The following SPECC1 variants were observed in gnomAD, a reference collection of about 807,000 sequenced individuals.
The protein encoded by SPECC1 is sperm antigen with calponin homology and coiled-coil domains 1.
Under a neutral mutation model 104.1 loss-of-function variants are expected in SPECC1, and 62 were observed. The observed-to-expected ratio is 0.60, with a 90% CI of 0.49 to 0.74. The LOEUF (loss-of-function observed/expected upper bound fraction) is 0.74. Among genes scored for constraint, SPECC1 ranks in the 30% least tolerant of loss-of-function variants. SPECC1 has a pLI of 0.00. For missense variants in SPECC1, 1,306 were observed against 1,310.5 expected, an observed-to-expected ratio of 1.00 and a Z score of 0.05; for synonymous variants, 513 against 501.6, an observed-to-expected ratio of 1.02 and a Z score of -0.30.
intron 12 of SPECC1, among the ~76,000 whole-genome samples, chr17:20,296,288 C>T (rs532029269): frequency 1.4e-3 from 218 of 152,260 alleles, no homozygotes; most frequent in Non-Finnish European, 6.8e-4. Context: ...ATCCTTTCCC[C>T]GTTGCTTGTT....
At chr17:20,123,420 G>GT (rs1420915169) in intron 3 of SPECC1, among the ~76,000 whole-genome samples, 1 of 152,214 alleles carries the variant, frequency 6.6e-6, no homozygotes, top group African/African-American at 2.4e-5. Flanking sequence ...CCAAGAAACT[G>GT]TCAGTGTCCT....
intron 1 of SPECC1, among the ~76,000 whole-genome samples, chr17:20,043,381 T>C (rs1245342308): frequency 6.6e-6 from 1 of 152,240 alleles, no homozygotes; most frequent in African/African-American, 2.4e-5. Context: ...TAGGTGAATA[T>C]ATTAAGGTTT....
chr17:20,113,778 C>T (rs9911605), intron 3 of SPECC1, among the ~76,000 whole-genome samples: 37,854 of 152,130 alleles, frequency 0.25, 5,911 homozygotes, highest in African/African-American at 0.45. Flanking sequence ...AACACCAGAC[C>T]AAGCAATTCT....
chr17:20,256,629 C>T (rs766672380), intron 10 of SPECC1, among the ~76,000 whole-genome samples: 1 of 152,162 alleles, frequency 6.6e-6, no homozygotes, highest in Non-Finnish European at 1.5e-5. Context: ...GAACAAGGCA[C>T]TTAGTTCTCT....
At chr17:20,238,606 G>A (rs963795218) in intron 7 of SPECC1, 27 of 1,042,402 alleles carry the variant, frequency 2.6e-5, no homozygotes, top group African/African-American at 3.3e-5. Context: ...TTAGCTTGGC[G>A]TGAGAAGAGA....
At chr17:20,088,617 A>C (rs144248022) in intron 1 of SPECC1, among the ~76,000 whole-genome samples, 188 of 152,342 alleles carry the variant, frequency 1.2e-3, no homozygotes, top group African/African-American at 4.4e-3. Context: ...CAGATTGGTG[A>C]ATACCCCAAG....
intron 11 of SPECC1, among the ~76,000 whole-genome samples, chr17:20,257,913 A>G (rs1478663883): frequency 4.6e-5 from 7 of 152,232 alleles, no homozygotes; most frequent in African/African-American, 1.4e-4. Context: ...TACCATTACA[A>G]GCACGCTGTG....
intron 3 of SPECC1, among the ~76,000 whole-genome samples, chr17:20,138,170 C>T (rs1178050043): frequency 1.3e-5 from 2 of 151,964 alleles, no homozygotes; most frequent in Non-Finnish European, 2.9e-5. Context: ...CACTATGTTG[C>T]CCAGGGTGGT....
chr17:20,018,229 T>C (rs907758681), intron 1 of SPECC1: 3 of 152,258 alleles, frequency 2.0e-5, no homozygotes, highest in Non-Finnish European at 4.4e-5. Context: ...TATGGTTTGC[T>C]CAGGTAATCT....
intron 13 of SPECC1, among the ~76,000 whole-genome samples, chr17:20,299,187 C>A (rs940227603): frequency 1.3e-5 from 2 of 151,710 alleles, no homozygotes; most frequent in Admixed American, 6.6e-5. Flanking sequence ...TCTTTTAAGG[C>A]CTTCACCTGA....
At chr17:20,071,948 G>T (rs1424048326) in intron 1 of SPECC1, among the ~76,000 whole-genome samples, 2 of 152,184 alleles carry the variant, frequency 1.3e-5, no homozygotes, top group Non-Finnish European at 2.9e-5. Flanking sequence ...TGAGTGACTA[G>T]CTTGTACTTT....
chr17:20,056,276 C>A, intron 1 of SPECC1: 1 of 163,424 alleles, frequency 6.1e-6, no homozygotes, highest in Non-Finnish European at 1.3e-5. Context: ...CTGCCAGGAG[C>A]TCAGTGTGCA....
At chr17:20,179,038 ATCT>A (rs768605016) in intron 3 of SPECC1, among the ~76,000 whole-genome samples, 15 of 152,350 alleles carry the variant, frequency 9.8e-5, no homozygotes, top group East Asian at 7.7e-4. Flanking sequence ...ACTAATATAA[ATCT>A]TCTGTATTCA....
Position 20,215,892 on chromosome 17 carries a change from T to A in SPECC1, c.1863+9980T>A, listed in dbSNP as rs189795062. 5.3e-5 allele frequency among the ~76,000 whole-genome samples: 8 copies of A among 152,334 alleles called. No individual in the cohort carries two copies. In the East Asian group the frequency reaches 1.5e-3, roughly 29 times the overall value. On this transcript the variant is annotated intron_variant, in intron 4 of 14. Coordinates refer to ENST00000395527, the MANE Select transcript of SPECC1 (RefSeq NM_001243439.2). ...TTAGATATCTCTAGCTTGATTTCCT[T>A]TCTGCTTTTGTTCATCACACTAAAG...
At chr17:20,024,835 A>G (rs1468504806) in intron 1 of SPECC1, among the ~76,000 whole-genome samples, 1 of 152,120 alleles carries the variant, frequency 6.6e-6, no homozygotes, top group Non-Finnish European at 1.5e-5. Flanking sequence ...ACTGTTGCTA[A>G]TCTCTGGGTT....
At chr17:20,251,547 G>A (rs949695637) in intron 9 of SPECC1, among the ~76,000 whole-genome samples, 2 of 152,256 alleles carry the variant, frequency 1.3e-5, no homozygotes, top group African/African-American at 4.8e-5. Flanking sequence ...GTGGGATGTG[G>A]ATACATGGAA....
At chr17:20,267,537 C>G (rs1354972485) in intron 12 of SPECC1, among the ~76,000 whole-genome samples, 1 of 151,964 alleles carries the variant, frequency 6.6e-6, no homozygotes, top group African/African-American at 2.4e-5. Flanking sequence ...AATCACAAAC[C>G]CCTGTAGAAG....
intron 3 of SPECC1, among the ~76,000 whole-genome samples, chr17:20,129,342 C>T (rs539262016): frequency 6.6e-6 from 1 of 152,094 alleles, no homozygotes; most frequent in East Asian, 1.9e-4. Flanking sequence ...CCTGCCACCA[C>T]GCCCAGCTAA....
chr17:20,252,751 C>G (rs2039678461), intron 9 of SPECC1, among the ~76,000 whole-genome samples: 1 of 152,146 alleles, frequency 6.6e-6, no homozygotes, highest in African/African-American at 2.4e-5. Context: ...ACCACATTTT[C>G]TTCGTCCATT....
Sources: gnomAD v4.1 joint callset for allele counts (sites outside exome capture counted in the v4.1 genomes callset) on GRCh38, gnomAD v4.1.1 for gene constraint, MANE v1.5 for transcripts, NCBI Gene and HGNC (gene_info 2026-07-23, HGNC 2026-07-21) for gene names.